The following FMN2 variants were observed in gnomAD, a reference collection of about 807,000 sequenced individuals.
FMN2 encodes formin 2.
In FMN2, 51 loss-of-function variants were observed where a neutral mutation model predicts 142.3. The ratio of observed to expected loss-of-function variants is 0.36; its 90% confidence interval spans 0.29 to 0.45. The LOEUF is 0.45. Ranked by LOEUF, FMN2 falls within the 20% of genes least tolerant of loss-of-function variation. The pLI is 1.00. For synonymous variants in FMN2, 882 were observed against 869.8 expected, an observed-to-expected ratio of 1.01 and a Z score of -0.25; for missense variants, 1,936 against 2,122.8, an observed-to-expected ratio of 0.91 and a Z score of 1.73.
intron 16 of FMN2, among the ~76,000 whole-genome samples, chr1:240,454,329 G>A (rs923981138): frequency 6.6e-6 from 1 of 152,054 alleles, no homozygotes. Context: ...ATCACTTGAG[G>A]TCAGGAGTTC....
At chr1:240,171,825 G>A (rs1456781449) in intron 2 of FMN2, among the ~76,000 whole-genome samples, 1 of 152,182 alleles carries the variant, frequency 6.6e-6, no homozygotes, top group Non-Finnish European at 1.5e-5. Context: ...AAGCTAGCAG[G>A]CCTGTAGCCT....
chr1:240,188,994 C>T (rs1264899222), intron 4 of FMN2, among the ~76,000 whole-genome samples: 2 of 151,982 alleles, frequency 1.3e-5, no homozygotes, highest in Admixed American at 1.3e-4. Context: ...AAGATCAGCC[C>T]CCATGATTCA....
intron 13 of FMN2, among the ~76,000 whole-genome samples, chr1:240,342,977 A>G (rs1247252455): frequency 6.6e-6 from 1 of 152,164 alleles, no homozygotes; most frequent in Non-Finnish European, 1.5e-5. Flanking sequence ...GAGGAAAAAA[A>G]AAATAGTATT....
intron 14 of FMN2, among the ~76,000 whole-genome samples, chr1:240,381,067 C>A (rs1244981944): frequency 6.6e-6 from 1 of 151,934 alleles, no homozygotes; most frequent in Non-Finnish European, 1.5e-5. Flanking sequence ...GATGAACAGC[C>A]AAATTTTACC....
At chr1:240,430,876 G>A (rs1430244858) in intron 15 of FMN2, among the ~76,000 whole-genome samples, 1 of 151,250 alleles carries the variant, frequency 6.6e-6, no homozygotes, top group South Asian at 2.1e-4. Context: ...ATCAGACAAT[G>A]TAAGTCCTTC....
intron 2 of FMN2, among the ~76,000 whole-genome samples, chr1:240,151,761 ACTTTTT>A (rs542209329): frequency 1.7e-3 from 254 of 151,782 alleles, no homozygotes; most frequent in African/African-American, 5.7e-3. Context: ...GGGCCAATGG[ACTTTTT>A]CTTTATTTTA....
At chr1:240,285,643 A>G (rs1284933407) in intron 7 of FMN2, among the ~76,000 whole-genome samples, 1 of 152,052 alleles carries the variant, frequency 6.6e-6, no homozygotes, top group East Asian at 1.9e-4. Flanking sequence ...GAAGAGGAAG[A>G]GAGAGTGGTA....
intron 8 of FMN2, among the ~76,000 whole-genome samples, chr1:240,300,351 T>C (rs746089364): frequency 1.3e-5 from 2 of 152,202 alleles, no homozygotes; most frequent in Non-Finnish European, 2.9e-5. Context: ...GTAGAACGTT[T>C]AGGCAACATG....
intron 8 of FMN2, among the ~76,000 whole-genome samples, chr1:240,296,241 G>T (rs575290862): frequency 7.2e-4 from 108 of 149,632 alleles, no homozygotes; most frequent in African/African-American, 1.9e-3. Flanking sequence ...AGGGAGTAAG[G>T]TATTGAAGGA....
Position 240,229,721 on chromosome 1 carries a change from A to T in FMN2, c.4065+18486A>T, listed in dbSNP as rs1337566298. 2.7e-5 allele frequency among the ~76,000 whole-genome samples: 2 copies of T among 74,484 alleles called. 1 individual carries two copies. The highest frequency in any genetic ancestry group is 5.3e-5 in the Non-Finnish European group (2 of 37,976). 48.9% of individuals were successfully genotyped at this position (74,484 alleles called of 152,430 possible). ...AGTGCCAGTGGCATGATCTCAGCTC[A>T]CTGCAGCCTCTGCCTCCCCGGTTCC... On this transcript the variant is annotated intron_variant, in intron 6 of 17. Coordinates refer to ENST00000319653, the MANE Select transcript of FMN2 (RefSeq NM_020066.5).
intron 13 of FMN2, among the ~76,000 whole-genome samples, chr1:240,349,727 A>G (rs945615080): frequency 4.6e-5 from 7 of 152,226 alleles, no homozygotes; most frequent in Non-Finnish European, 1.0e-4. Context: ...GCTTTCTGAT[A>G]CTAGCCCTTC....
chr1:240,325,593 T>C (rs368275464), intron 8 of FMN2, among the ~76,000 whole-genome samples: 43 of 152,300 alleles, frequency 2.8e-4, no homozygotes, highest in African/African-American at 1.0e-3. Context: ...TTTATAGTTA[T>C]TTGCAGACAT....
intron 4 of FMN2, among the ~76,000 whole-genome samples, chr1:240,201,923 A>G (rs1248353109): frequency 2.6e-5 from 4 of 152,180 alleles, no homozygotes; most frequent in African/African-American, 9.7e-5. Context: ...AAAGAAATCA[A>G]ATACAACTGG....
At chr1:240,466,447 G>A (rs1188101910) in intron 16 of FMN2, among the ~76,000 whole-genome samples, 16 of 151,878 alleles carry the variant, frequency 1.1e-4, no homozygotes, top group Non-Finnish European at 4.4e-5. Flanking sequence ...TTTTTTTAAA[G>A]GTAAATTTGA....
chr1:240,391,997 C>T (rs1558467919), intron 14 of FMN2, among the ~76,000 whole-genome samples: 1 of 152,150 alleles, frequency 6.6e-6, no homozygotes, highest in Non-Finnish European at 1.5e-5. Context: ...TATATTATCA[C>T]ATTCCCCCTT....
At chr1:240,368,513 T>C (rs1026754161) in intron 14 of FMN2, among the ~76,000 whole-genome samples, 1 of 152,220 alleles carries the variant, frequency 6.6e-6, no homozygotes, top group South Asian at 2.1e-4. Context: ...TTTGAAGATA[T>C]GTAAAATTCA....
At chr1:240,400,627 GGT>G (rs1673946975) in intron 15 of FMN2, 1 of 152,280 alleles carries the variant, frequency 6.6e-6, no homozygotes, top group South Asian at 2.1e-4. Context: ...TAGAGTCCCA[GGT>G]CTCCTTCCCA....
Position 240,207,293 on chromosome 1 carries a change from A to C in FMN2, c.2481A>C (p.Ser827=), listed in dbSNP as rs1316522726. The C allele has an allele frequency of 1.9e-6, 3 of 1,613,722 alleles. No homozygotes were observed. The highest frequency in any genetic ancestry group is 2.5e-6 in the Non-Finnish European group (3 of 1,179,870). Reference sequence around the variant, plus strand: ...CTGCTGGGCAAGGACAGCCTGGGTCACAGCCGCCCCATTCTATTTCTACCG... The same window carrying C: ...CTGCTGGGCAAGGACAGCCTGGGTCCCAGCCGCCCCATTCTATTTCTACCG... ...LWSAGQGQPG[S]QPPHSISTEF... is the part of the protein sequence containing the mutation. Residue 827 remains serine (S), a synonymous_variant, in exon 5 of 18, where the codon TCA becomes TCC. Coordinates refer to ENST00000319653, the MANE Select transcript of FMN2 (RefSeq NM_020066.5).
At chr1:240,153,711 A>G (rs980176253) in intron 2 of FMN2, among the ~76,000 whole-genome samples, 4 of 152,040 alleles carry the variant, frequency 2.6e-5, no homozygotes, top group Admixed American at 2.6e-4. Context: ...CTCACAGGTA[A>G]ATTTCTAGAA....
Sources: allele counts gnomAD v4.1 joint callset (sites outside exome capture counted in the v4.1 genomes callset), GRCh38; gene constraint gnomAD v4.1.1; transcripts MANE v1.5; gene names NCBI Gene and HGNC (gene_info 2026-07-23, HGNC 2026-07-21).